Variants in TENM1 observed in about 807,000 individuals in gnomAD.
TENM1 encodes the protein teneurin transmembrane protein 1.
A neutral mutation model predicts 174.8 loss-of-function variants in TENM1; 35 were observed. That is an observed-to-expected ratio of 0.20 (90% CI 0.15 to 0.27). TENM1 has a LOEUF of 0.27. Among genes scored for constraint, TENM1 ranks in the 10% least tolerant of loss-of-function variants. TENM1 has a pLI of 1.00. For missense variants in TENM1, 1,633 were observed against 2,130.1 expected (o/e 0.77, Z 4.59); for synonymous variants, 781 against 798.7 (o/e 0.98, Z 0.37).
In TENM1 at chrX:124,671,746, C is replaced by T. The variant is rs145842978; in HGVS notation, c.1105G>A (p.Glu369Lys). The change falls in exon 6 of 32, where the codon GAG becomes AAG. Residue 369 changes from glutamate (E) to lysine (K), a missense_variant. Around this residue, in one of 4 missense-constraint regions of TENM1, gnomAD observed 305 missense variants for 309.2 expected, o/e 0.99. Transcript: ENST00000422452. ...GGAGAGTAAGTAGTGTCCATGGACT[C>T]GGTCCCCCTGTTCCCTTTGCTAACT... 40 of 1,208,437 alleles carry T rather than the reference C, an allele frequency of 3.3e-5. No individual in the cohort carries two copies. In the East Asian group the frequency reaches 7.1e-4, roughly 22 times the overall value.
the TENM1 span, among the ~76,000 whole-genome samples, chrX:125,160,428 T>C: frequency 5.8e-5 from 6 of 103,370 alleles, no homozygotes; most frequent in South Asian, 4.4e-4. Context: ...CTTGAGAGGC[T>C]GAGGCAGGAG....
chrX:124,725,260 A>G (rs1477255658), intron 4 of TENM1, among the ~76,000 whole-genome samples: 1 of 111,327 alleles, frequency 9.0e-6, no homozygotes, highest in Admixed American at 9.6e-5. Context: ...CTAGATTGTA[A>G]GCTCATTAAA....
intron 3 of TENM1, among the ~76,000 whole-genome samples, chrX:124,758,434 G>A (rs762886814): frequency 5.4e-4 from 60 of 110,959 alleles, no homozygotes; most frequent in African/African-American, 1.2e-3. Context: ...GTGCACTGTC[G>A]GTGGGAATGT....
chrX:125,155,884 C>A, the TENM1 span, among the ~76,000 whole-genome samples: 1 of 112,480 alleles, frequency 8.9e-6, no homozygotes, highest in South Asian at 3.7e-4. Flanking sequence ...GCTCTGGCCT[C>A]GGCCAGCCCA....
At chrX:124,740,595 T>C (rs1013733269) in intron 3 of TENM1, among the ~76,000 whole-genome samples, 2 of 111,829 alleles carry the variant, frequency 1.8e-5, no homozygotes, top group Non-Finnish European at 3.8e-5. Flanking sequence ...TGCTAGTTCA[T>C]ATTGTCTTTA....
the TENM1 span, among the ~76,000 whole-genome samples, chrX:125,097,564 T>C: frequency 0.01 from 1,125 of 112,378 alleles, 13 homozygotes; most frequent in East Asian, 0.12. Flanking sequence ...TCTAAATACA[T>C]TTCTCACAAA....
the TENM1 span, among the ~76,000 whole-genome samples, chrX:125,118,801 G>T: frequency 1.8e-5 from 2 of 111,835 alleles, no homozygotes; most frequent in Non-Finnish European, 3.8e-5. Context: ...AACAAACCCT[G>T]TTCTGAGTGT....
intron 3 of TENM1, among the ~76,000 whole-genome samples, chrX:124,785,205 A>T (rs1334016759): frequency 8.9e-6 from 1 of 111,964 alleles, no homozygotes; most frequent in Non-Finnish European, 1.9e-5. Flanking sequence ...TCTGTAACTG[A>T]GTGGTCAAGT....
chrX:124,509,750 C>T (rs761090841), intron 18 of TENM1, among the ~76,000 whole-genome samples: 75 of 85,166 alleles, frequency 8.8e-4, no homozygotes, highest in Non-Finnish European at 1.5e-3. Flanking sequence ...GACAGAGTTT[C>T]ACTCTTGTTG....
At chrX:124,394,032 T>C (rs753820334) in intron 27 of TENM1, among the ~76,000 whole-genome samples, 1 of 112,604 alleles carries the variant, frequency 8.9e-6, no homozygotes, top group East Asian at 2.8e-4. Context: ...TAATGATTAC[T>C]TTTCTCATTT....
At chrX:124,494,247 T>C (rs1455773254) in intron 20 of TENM1, among the ~76,000 whole-genome samples, 2 of 111,940 alleles carry the variant, frequency 1.8e-5, no homozygotes, top group African/African-American at 6.5e-5. Context: ...GCTCTTCTAG[T>C]CACTATATTT....
chrX:124,889,001 C>T (rs1007059445), intron 3 of TENM1, among the ~76,000 whole-genome samples: 12 of 112,092 alleles, frequency 1.1e-4, no homozygotes, highest in African/African-American at 1.9e-4. Context: ...ATACAGAAAA[C>T]GTTGTTTATT....
intron 3 of TENM1, among the ~76,000 whole-genome samples, chrX:124,866,297 T>C (rs754220528): frequency 8.9e-6 from 1 of 112,187 alleles, no homozygotes; most frequent in South Asian, 3.7e-4. Flanking sequence ...AAAGTTGAAA[T>C]AATATCAAGC....
At chrX:124,765,131 C>G (rs993526713) in intron 3 of TENM1, among the ~76,000 whole-genome samples, 2 of 111,653 alleles carry the variant, frequency 1.8e-5, no homozygotes, top group African/African-American at 6.5e-5. Context: ...AGAAAGAGAA[C>G]AGACAGATAT....
chrX:124,987,700 T>TG, the TENM1 span, among the ~76,000 whole-genome samples: 4 of 91,677 alleles, frequency 4.4e-5, no homozygotes, highest in African/African-American at 8.4e-5. Flanking sequence ...TGTTCTGCAT[T>TG]TTGTGTGTGT....
intron 3 of TENM1, among the ~76,000 whole-genome samples, chrX:124,779,596 A>G (rs962360616): frequency 9.0e-6 from 1 of 111,634 alleles, no homozygotes; most frequent in Non-Finnish European, 1.9e-5. Context: ...TTTACCCATT[A>G]TATACTTTGA....
chrX:124,898,111 G>T (rs184524767), intron 1 of TENM1, among the ~76,000 whole-genome samples: 20 of 111,644 alleles, frequency 1.8e-4, no homozygotes, highest in African/African-American at 6.2e-4. Context: ...CTCAAACTTG[G>T]CTGCTTCAGA....
At chrX:124,582,347 A>G (rs2049340927) in intron 11 of TENM1, among the ~76,000 whole-genome samples, 1 of 111,763 alleles carries the variant, frequency 8.9e-6, no homozygotes, top group African/African-American at 3.3e-5. Flanking sequence ...GAATCAATGG[A>G]TTCTTCCAAT....
At chrX:125,172,803 A>G in the TENM1 span, among the ~76,000 whole-genome samples, 1 of 111,738 alleles carries the variant, frequency 8.9e-6, no homozygotes, top group Non-Finnish European at 1.9e-5. Context: ...CTTTCTTAAA[A>G]TTGGCTAATG....
Sources: allele counts gnomAD v4.1 joint callset (sites outside exome capture counted in the v4.1 genomes callset), GRCh38; gene constraint gnomAD v4.1.1; regional missense constraint gnomAD v4.1.1; transcripts MANE v1.5; gene names NCBI Gene and HGNC (gene_info 2026-07-23, HGNC 2026-07-21).